Variants in SKAP1 observed in about 807,000 individuals in gnomAD.
SKAP1 encodes the protein src kinase associated phosphoprotein 1.
Under a neutral mutation model 58.5 loss-of-function variants are expected in SKAP1, and 44 were observed. The ratio of observed to expected loss-of-function variants is 0.75; its 90% CI spans 0.59 to 0.97. The LOEUF (loss-of-function observed/expected upper bound fraction) is 0.97, where lower values mean the gene tolerates loss of function less well. Among genes scored for constraint, SKAP1 ranks in the 50% least tolerant of loss-of-function variants. The pLI, the probability that SKAP1 is intolerant of heterozygous loss-of-function variation, is 0.00. For missense variants in SKAP1, 390 were observed against 435.2 expected (o/e 0.90, Z 0.92); for synonymous variants, 127 against 149.7 (o/e 0.85, Z 1.11).
At chr17:48,404,181 G>A (rs1269134862) in intron 1 of SKAP1, among the ~76,000 whole-genome samples, 2 of 150,600 alleles carry the variant, frequency 1.3e-5, no homozygotes, top group Non-Finnish European at 3.0e-5. Context: ...GGCTGGGTGA[G>A]GTGGCTGACA....
intron 6 of SKAP1, 54 bp downstream of exon 6, chr17:48,187,789 C>G: frequency 7.9e-7 from 1 of 1,268,886 alleles, no homozygotes; most frequent in Non-Finnish European, 1.1e-6. Flanking sequence ...TGAGAATTTA[C>G]GAAGTGTTTG....
intron 4 of SKAP1, among the ~76,000 whole-genome samples, chr17:48,318,255 A>G (rs1439887780): frequency 1.3e-5 from 2 of 152,190 alleles, no homozygotes; most frequent in African/African-American, 4.8e-5. Flanking sequence ...ACTCTCACCA[A>G]CCCAAATTCA....
chr17:48,384,203 T>C (rs1169431120), intron 2 of SKAP1, among the ~76,000 whole-genome samples: 1 of 151,970 alleles, frequency 6.6e-6, no homozygotes, highest in Non-Finnish European at 1.5e-5. Flanking sequence ...GAGGAGGACA[T>C]TTAGAACGAA....
At chr17:48,258,365 T>A (rs142163899) in intron 4 of SKAP1, among the ~76,000 whole-genome samples, 3 of 152,296 alleles carry the variant, frequency 2.0e-5, no homozygotes, top group African/African-American at 7.2e-5. Context: ...TGTGAAAAGA[T>A]TGTCCTTATA....
At chr17:48,210,083 C>T (rs747965666) in intron 4 of SKAP1, among the ~76,000 whole-genome samples, 2 of 152,204 alleles carry the variant, frequency 1.3e-5, no homozygotes, top group African/African-American at 4.8e-5. Flanking sequence ...AGAGCTCCAG[C>T]TCTCCTAGGG....
At chr17:48,323,790 G>C (rs2066398005) in intron 4 of SKAP1, among the ~76,000 whole-genome samples, 1 of 152,042 alleles carries the variant, frequency 6.6e-6, no homozygotes, top group African/African-American at 2.4e-5. Context: ...GAACGATGCT[G>C]AGTGGGGTCA....
intron 2 of SKAP1, chr17:48,377,207 A>C (rs1038084971): frequency 6.6e-6 from 1 of 152,204 alleles, no homozygotes. Flanking sequence ...TTAAGGAAAA[A>C]GGTTGCTGAT....
chr17:48,419,754 A>T (rs2067773262), intron 1 of SKAP1, among the ~76,000 whole-genome samples: 1 of 152,120 alleles, frequency 6.6e-6, no homozygotes, highest in African/African-American at 2.4e-5. Flanking sequence ...AAGCACAAAT[A>T]TGTGCCATTG....
chr17:48,310,728 GA>G (rs2066211313), intron 4 of SKAP1, among the ~76,000 whole-genome samples: 2 of 151,120 alleles, frequency 1.3e-5, no homozygotes, highest in Admixed American at 6.6e-5. Context: ...AAAGGCAAGA[GA>G]AAAAAATATT....
At chr17:48,298,167 G>A (rs989442888) in intron 4 of SKAP1, among the ~76,000 whole-genome samples, 2 of 152,130 alleles carry the variant, frequency 1.3e-5, no homozygotes, top group African/African-American at 4.8e-5. Context: ...ATATTTATTG[G>A]AAATGACAGT....
chr17:48,156,833 A>G (rs1317137431), intron 11 of SKAP1, among the ~76,000 whole-genome samples: 1 of 152,172 alleles, frequency 6.6e-6, no homozygotes, highest in Non-Finnish European at 1.5e-5. Flanking sequence ...GAAAGCTCTC[A>G]GACCAGGAAA....
At chr17:48,416,950 C>T (rs1307466558) in intron 1 of SKAP1, among the ~76,000 whole-genome samples, 1 of 152,190 alleles carries the variant, frequency 6.6e-6, no homozygotes, top group African/African-American at 2.4e-5. Flanking sequence ...ACTATTTTCA[C>T]ATCAATTACA....
chr17:48,368,407 G>A (rs922351260), intron 2 of SKAP1, among the ~76,000 whole-genome samples: 6 of 152,118 alleles, frequency 3.9e-5, no homozygotes, highest in Non-Finnish European at 5.9e-5. Flanking sequence ...ACAAGTCTGA[G>A]ACTAGAAATT....
In SKAP1 at chr17:48,367,763, T is replaced by A. The variant is rs377437440; in HGVS notation, c.153-3949A>T. Among the ~76,000 whole-genome samples, 13 of 151,170 alleles carry A rather than the reference T, an allele frequency of 8.6e-5. 1 individual carries two copies. In the East Asian group the frequency reaches 1.2e-3, roughly 14 times the overall value. ...CGAAACTTCATCTCTACAAAAGGTA[T>A]AAAAATTAGCCGGGCGTGGTGGCAC... On this transcript the variant is annotated intron_variant, in intron 2 of 12. Transcript: ENST00000336915.
At chr17:48,249,560 G>A (rs1402584448) in intron 4 of SKAP1, among the ~76,000 whole-genome samples, 1 of 151,854 alleles carries the variant, frequency 6.6e-6, no homozygotes, top group Non-Finnish European at 1.5e-5. Context: ...TGTAGTCCTA[G>A]CTACTCGGGA....
chr17:48,373,062 G>A (rs115041866), intron 2 of SKAP1, among the ~76,000 whole-genome samples: 3,737 of 152,230 alleles, frequency 0.025, 143 homozygotes, highest in African/African-American at 0.084. Context: ...TTGTATCCAG[G>A]TTGTATTAGT....
At chr17:48,257,628 C>CTTTTTTTTTTTTTTTTTTTTTTTTTT (rs56225931) in intron 4 of SKAP1, among the ~76,000 whole-genome samples, 35 of 111,136 alleles carry the variant, frequency 3.1e-4, no homozygotes, top group South Asian at 6.6e-4. Context: ...TTCTTTCTTT[C>CTTTTTTTTTTTTTTTTTTTTTTTTTT]TTTTTTTTTT....
chr17:48,272,963 A>G (rs2065652199), intron 4 of SKAP1, among the ~76,000 whole-genome samples: 1 of 152,250 alleles, frequency 6.6e-6, no homozygotes, highest in Non-Finnish European at 1.5e-5. Context: ...ATGTTTAAAT[A>G]TAGAAAGGCA....
At chr17:48,374,076 C>G (rs750927531) in intron 2 of SKAP1, among the ~76,000 whole-genome samples, 4 of 152,070 alleles carry the variant, frequency 2.6e-5, no homozygotes, top group Non-Finnish European at 5.9e-5. Context: ...GCTCTGCTGC[C>G]CATGCTGGAG....
Sources: gnomAD v4.1 joint callset for allele counts (sites outside exome capture counted in the v4.1 genomes callset) on GRCh38, gnomAD v4.1.1 for gene constraint, MANE v1.5 for transcripts, NCBI Gene and HGNC (gene_info 2026-07-23, HGNC 2026-07-21) for gene names.